The following ZFHX3 variants were observed in gnomAD, a reference collection of about 807,000 sequenced individuals.
ZFHX3 encodes the protein zinc finger homeobox protein 3.
Under a neutral mutation model 279.1 loss-of-function variants are expected in ZFHX3, and 42 were observed. The observed-to-expected ratio is 0.15, with a 90% CI of 0.12 to 0.19. The LOEUF is 0.19. ZFHX3 is among the 10% of genes least tolerant of loss of function. The probability of loss-of-function intolerance (pLI) is 1.00; values close to 1 mark genes in which losing one functional copy is unlikely to be tolerated. For synonymous variants in ZFHX3, 2,293 were observed against 1,957.8 expected, an observed-to-expected ratio of 1.17 and a Z score of -4.52; for missense variants, 4,981 against 4,754.0, an observed-to-expected ratio of 1.05 and a Z score of -1.40.
chr16:73,848,497 A>G (rs575042467), intron 1 of ZFHX3, among the ~76,000 whole-genome samples: 1 of 152,344 alleles, frequency 6.6e-6, no homozygotes, highest in African/African-American at 2.4e-5. Context: ...AATAGACCAA[A>G]GGAAAGTAGG....
intron 5 of ZFHX3, among the ~76,000 whole-genome samples, chr16:73,252,195 C>T (rs2013530788): frequency 6.6e-6 from 1 of 152,084 alleles, no homozygotes; most frequent in Admixed American, 6.5e-5. Flanking sequence ...GATTTCAACA[C>T]AAAAGGGACA....
At chr16:73,492,093 AG>A (rs2019065313) in intron 2 of ZFHX3, among the ~76,000 whole-genome samples, 1 of 152,182 alleles carries the variant, frequency 6.6e-6, no homozygotes, top group African/African-American at 2.4e-5. Context: ...GCTGTCTATC[AG>A]TTACATTTAT....
intron 2 of ZFHX3, among the ~76,000 whole-genome samples, chr16:73,457,538 C>T (rs1244057698): frequency 1.3e-5 from 2 of 152,256 alleles, no homozygotes; most frequent in African/African-American, 4.8e-5. Flanking sequence ...TCTGGGAGGC[C>T]GACGTGGGTG....
intron 1 of ZFHX3, among the ~76,000 whole-genome samples, chr16:73,737,537 T>C (rs959520406): frequency 1.3e-5 from 2 of 152,132 alleles, no homozygotes; most frequent in African/African-American, 4.8e-5. Flanking sequence ...ATCAACACCA[T>C]GTATAACGAT....
chr16:73,084,478 C>A (rs1209921553), intron 8 of ZFHX3, among the ~76,000 whole-genome samples: 1 of 151,486 alleles, frequency 6.6e-6, no homozygotes, highest in Non-Finnish European at 1.5e-5. Context: ...AGAAAGCAAT[C>A]CCACAGCTAC....
intron 1 of ZFHX3, among the ~76,000 whole-genome samples, chr16:73,023,818 C>T (rs890926362): frequency 2.2e-4 from 34 of 152,188 alleles, no homozygotes; most frequent in African/African-American, 7.2e-4. Flanking sequence ...ACACACACCA[C>T]GACGTCAGCC....
chr16:73,360,885 C>T (rs535260581), intron 3 of ZFHX3, among the ~76,000 whole-genome samples: 48 of 152,088 alleles, frequency 3.2e-4, no homozygotes, highest in African/African-American at 1.1e-3. Flanking sequence ...CTAATGGAAC[C>T]GTGCAGGGAT....
At chr16:73,817,818 T>C (rs1960618483) in intron 1 of ZFHX3, among the ~76,000 whole-genome samples, 1 of 152,198 alleles carries the variant, frequency 6.6e-6, no homozygotes, top group Non-Finnish European at 1.5e-5. Context: ...TTACTTGATG[T>C]ACTTGAAAGG....
chr16:73,178,381 C>T (rs546688052), intron 5 of ZFHX3, among the ~76,000 whole-genome samples: 6 of 152,244 alleles, frequency 3.9e-5, no homozygotes, highest in East Asian at 1.9e-4. Context: ...TCAAGTGATC[C>T]GCCTGCCTCG....
intron 1 of ZFHX3, among the ~76,000 whole-genome samples, chr16:72,998,225 A>G (rs572131881): frequency 9.4e-4 from 143 of 152,262 alleles, no homozygotes; most frequent in African/African-American, 3.2e-3. Context: ...ACATGGTGAA[A>G]CCCCATCTCT....
At chr16:73,448,911 T>G (rs541078289) in intron 3 of ZFHX3, among the ~76,000 whole-genome samples, 4 of 152,240 alleles carry the variant, frequency 2.6e-5, no homozygotes, top group East Asian at 3.9e-4. Context: ...AAAAGGAAAT[T>G]TAGATAAGCC....
rs777599986 is a variant in ZFHX3 at position 72,794,754 on chromosome 16, C to T, written c.7928G>A (p.Arg2643His). 5 of 1,614,210 alleles carry T rather than the reference C, an allele frequency of 3.1e-6. No individual in the cohort carries two copies. Among genetic ancestry groups the T allele is most frequent in the East Asian group, 2.2e-5 (1 of 44,882 alleles). Residue 2643 changes from arginine to histidine, a missense_variant, in exon 9 of 10, where the codon CGT becomes CAT. Coordinates refer to ENST00000268489, the MANE Select transcript of ZFHX3 (RefSeq NM_006885.4). This position sits in a 1 kb window ranked among gnomAD's most constrained non-coding sequence, Gnocchi z 4.2. ...TGGEEPQRDK[R>H]LRTTITPEQL... is the part of the protein sequence containing the mutation. ...TTCCGGTGTGATGGTTGTTCTCAAA[C>T]GCTTGTCTCTCTGAGGCTCTTCTCC...
At chr16:73,615,785 C>T (rs139284404) in intron 2 of ZFHX3, among the ~76,000 whole-genome samples, 1 of 152,124 alleles carries the variant, frequency 6.6e-6, no homozygotes, top group Admixed American at 6.6e-5. Context: ...GACTGACACT[C>T]GCAGAAACAC....
intron 8 of ZFHX3, among the ~76,000 whole-genome samples, chr16:73,068,407 A>C (rs1029285244): frequency 1.3e-5 from 2 of 152,236 alleles, no homozygotes; most frequent in Non-Finnish European, 2.9e-5. Flanking sequence ...GGCTAGATTC[A>C]AGACTAAGAG....
intron 5 of ZFHX3, among the ~76,000 whole-genome samples, chr16:73,224,987 T>C (rs1040610563): frequency 1.3e-5 from 2 of 152,168 alleles, no homozygotes; most frequent in African/African-American, 4.8e-5. Flanking sequence ...CTGTGTCACC[T>C]TCACTGTGAT....
At chr16:73,668,035 A>G (rs1181443038) in intron 2 of ZFHX3, among the ~76,000 whole-genome samples, 3 of 152,180 alleles carry the variant, frequency 2.0e-5, no homozygotes, top group Non-Finnish European at 4.4e-5. Context: ...AACACATATT[A>G]ACATATTCAT....
At chr16:72,871,771 C>A (rs2038167796) in intron 4 of ZFHX3, among the ~76,000 whole-genome samples, 1 of 151,826 alleles carries the variant, frequency 6.6e-6, no homozygotes, top group African/African-American at 2.4e-5. Context: ...ACCACCAAGC[C>A]TGGCCAAAAT....
At chr16:73,100,000 A>G (rs4344770) in intron 7 of ZFHX3, among the ~76,000 whole-genome samples, 53,851 of 151,874 alleles carry the variant, frequency 0.35, 9,996 homozygotes, top group East Asian at 0.64. Flanking sequence ...CCATCTCACT[A>G]TGGGTATCAG....
intron 4 of ZFHX3, among the ~76,000 whole-genome samples, chr16:72,836,252 GACC>G (rs1291651838): frequency 2.6e-5 from 4 of 152,146 alleles, no homozygotes; most frequent in Non-Finnish European, 5.9e-5. Context: ...ATCGAATAGT[GACC>G]ACAAGTCCTG....
Sources: allele counts gnomAD v4.1 joint callset (sites outside exome capture counted in the v4.1 genomes callset), GRCh38; gene constraint gnomAD v4.1.1; non-coding constraint Gnocchi (gnomAD v3.1); transcripts MANE v1.5; gene names NCBI Gene and HGNC (gene_info 2026-07-23, HGNC 2026-07-21).